The following MCPH1 variants were observed in gnomAD, a reference collection of about 807,000 sequenced individuals.
MCPH1 encodes the protein microcephalin 1.
A neutral mutation model predicts 84.5 loss-of-function variants in MCPH1; 104 were observed. The ratio of observed to expected loss-of-function variants is 1.23; its 90% CI spans 1.05 to 1.45. MCPH1 has a LOEUF of 1.45. Ranked by LOEUF, MCPH1 falls within the 40% of genes most tolerant of loss-of-function variation. MCPH1 has a pLI of 0.00. For missense variants in MCPH1, 1,498 were observed against 1,005.7 expected (o/e 1.49, Z -6.62); for synonymous variants, 514 against 366.8 (o/e 1.40, Z -4.58).
In MCPH1 at chr8:6,442,114, T is replaced by A. The variant is rs973602232; in HGVS notation, c.628T>A (p.Cys210Ser). The change falls in exon 7 of 14, where the codon TGT becomes AGT. Residue 210 changes from cysteine (C) to serine (S), a missense_variant. Coordinates refer to ENST00000344683, the MANE Select transcript of MCPH1 (RefSeq NM_024596.5). ...TCATGATAATCCAAGTAACTCTCTGTGTGAAGCACCTTTGAACATTTCACG... is the reference window on the plus strand; with the variant it reads ...TCATGATAATCCAAGTAACTCTCTGAGTGAAGCACCTTTGAACATTTCACG... Reference protein sequence around the residue: ...QSHDNPSNSLCEAPLNISRDT... With the variant: ...QSHDNPSNSLSEAPLNISRDT... The A allele has an allele frequency of 2.0e-5, 32 of 1,613,654 alleles. No homozygotes were observed. Among genetic ancestry groups the A allele is most frequent in the Middle Eastern group, 1.6e-4 (1 of 6,082 alleles).
intron 12 of MCPH1, among the ~76,000 whole-genome samples, chr8:6,583,033 C>T (rs1222868739): frequency 6.6e-6 from 1 of 152,152 alleles, no homozygotes; most frequent in Non-Finnish European, 1.5e-5. Context: ...ACATTGAAAT[C>T]GAGTTACATG....
intron 3 of MCPH1, among the ~76,000 whole-genome samples, chr8:6,430,402 C>T (rs140082199): frequency 6.6e-6 from 1 of 152,154 alleles, no homozygotes; most frequent in Admixed American, 6.5e-5. Context: ...AAAGGAAAAT[C>T]ACACGTTAGT....
intron 12 of MCPH1, among the ~76,000 whole-genome samples, chr8:6,589,150 T>C (rs528352542): frequency 6.6e-6 from 1 of 152,372 alleles, no homozygotes; most frequent in Non-Finnish European, 1.5e-5. Context: ...GACAGTTTTT[T>C]TCTGTGGTGA....
intron 12 of MCPH1, among the ~76,000 whole-genome samples, chr8:6,539,845 C>T (rs2129573485): frequency 6.6e-6 from 1 of 152,290 alleles, no homozygotes; most frequent in African/African-American, 2.4e-5. Context: ...CCTTGGCCTC[C>T]CAAAGTGCTA....
chr8:6,494,965 A>C (rs557431303), intron 11 of MCPH1, among the ~76,000 whole-genome samples: 2 of 152,338 alleles, frequency 1.3e-5, no homozygotes, highest in East Asian at 3.9e-4. Flanking sequence ...ACAACTACTA[A>C]ATAGGTTTGT....
chr8:6,563,958 T>A (rs1417677588), intron 12 of MCPH1, among the ~76,000 whole-genome samples: 1 of 150,746 alleles, frequency 6.6e-6, no homozygotes, highest in Non-Finnish European at 1.5e-5. Flanking sequence ...AGTGCCTGTG[T>A]AGAAAGAGGA....
chr8:6,434,977 G>A (rs558951418), intron 4 of MCPH1, among the ~76,000 whole-genome samples: 1 of 152,302 alleles, frequency 6.6e-6, no homozygotes, highest in Non-Finnish European at 1.5e-5. Flanking sequence ...AACAGAAAGT[G>A]GGGTGGGTAA....
chr8:6,543,009 C>G (rs1236275979), intron 12 of MCPH1, among the ~76,000 whole-genome samples: 4 of 152,118 alleles, frequency 2.6e-5, no homozygotes, highest in Non-Finnish European at 4.4e-5. Context: ...GAGGAGCGGA[C>G]TTGGGAATGC....
intron 8 of MCPH1, among the ~76,000 whole-genome samples, chr8:6,452,859 C>A (rs771669233): frequency 6.6e-5 from 10 of 152,224 alleles, no homozygotes; most frequent in Non-Finnish European, 1.3e-4. Flanking sequence ...GACAGACATT[C>A]ATCCAACTGG....
At chr8:6,433,805 G>A (rs1585732773) in intron 4 of MCPH1, among the ~76,000 whole-genome samples, 1 of 151,664 alleles carries the variant, frequency 6.6e-6, no homozygotes, top group African/African-American at 2.4e-5. Context: ...AAATGTAATT[G>A]CAAATTAAAC....
chr8:6,630,976 C>T (rs779544650), intron 13 of MCPH1, among the ~76,000 whole-genome samples: 6 of 152,098 alleles, frequency 3.9e-5, no homozygotes, highest in Admixed American at 6.5e-5. Context: ...ACACAGAAAC[C>T]GCTAAAATCA....
chr8:6,494,197 C>T (rs2129561523), intron 11 of MCPH1: 1 of 152,264 alleles, frequency 6.6e-6, no homozygotes, highest in East Asian at 1.9e-4. Flanking sequence ...CCTTGGCCTC[C>T]CAAGGAACTG....
At chr8:6,539,759 G>A (rs1350175738) in intron 12 of MCPH1, among the ~76,000 whole-genome samples, 2 of 152,106 alleles carry the variant, frequency 1.3e-5, no homozygotes, top group Non-Finnish European at 2.9e-5. Flanking sequence ...GGAAATTTTT[G>A]TATTTTTAAT....
At chr8:6,627,971 T>G (rs1303794260) in intron 13 of MCPH1, among the ~76,000 whole-genome samples, 1 of 152,110 alleles carries the variant, frequency 6.6e-6, no homozygotes, top group Admixed American at 6.5e-5. Context: ...TGCTAGCTCC[T>G]AAAACAGTAT....
chr8:6,571,170 G>C (rs929402232), intron 12 of MCPH1, among the ~76,000 whole-genome samples: 5 of 152,126 alleles, frequency 3.3e-5, no homozygotes, highest in African/African-American at 1.2e-4. Flanking sequence ...AAAGGGAGTG[G>C]ATACAATTGT....
intron 12 of MCPH1, among the ~76,000 whole-genome samples, chr8:6,517,063 A>G (rs1388794904): frequency 1.3e-5 from 2 of 152,232 alleles, no homozygotes; most frequent in Non-Finnish European, 2.9e-5. Flanking sequence ...ATTGGACTAT[A>G]AAACTTGCAG....
chr8:6,640,275 T>G (rs955201073), intron 13 of MCPH1, among the ~76,000 whole-genome samples: 7 of 152,146 alleles, frequency 4.6e-5, no homozygotes, highest in Non-Finnish European at 7.3e-5. Flanking sequence ...TATGTGTACT[T>G]AAATTCTGAT....
chr8:6,491,318 A>G (rs902104424), intron 11 of MCPH1, among the ~76,000 whole-genome samples: 1 of 150,806 alleles, frequency 6.6e-6, no homozygotes, highest in Non-Finnish European at 1.5e-5. Context: ...TGTCTCACTT[A>G]TGGAGAATAC....
intron 13 of MCPH1, among the ~76,000 whole-genome samples, chr8:6,630,984 T>C (rs2911968): frequency 0.47 from 71,469 of 151,968 alleles, 17,672 homozygotes; most frequent in East Asian, 0.72. Flanking sequence ...ACCGCTAAAA[T>C]CAGGCAGAAG....
Sources: gnomAD v4.1 joint callset for allele counts (sites outside exome capture counted in the v4.1 genomes callset) on GRCh38, gnomAD v4.1.1 for gene constraint, MANE v1.5 for transcripts, NCBI Gene and HGNC (gene_info 2026-07-23, HGNC 2026-07-21) for gene names.